NLRP14: variants seen among roughly 807,000 people sequenced by gnomAD.
NLRP14 encodes NACHT, LRR and PYD domains-containing protein 14.
A neutral mutation model predicts 94.7 loss-of-function variants in NLRP14; 105 were observed. That is an observed-to-expected ratio of 1.11 (90% CI 0.95 to 1.30). The LOEUF (loss-of-function observed/expected upper bound fraction) is 1.30. Ranked by LOEUF, NLRP14 falls within the 50% of genes most tolerant of loss-of-function variation. NLRP14 has a pLI of 0.00. For synonymous variants in NLRP14, 508 were observed against 459.9 expected (o/e 1.10, Z -1.34); for missense variants, 1,362 against 1,254.1 (o/e 1.09, Z -1.30).
At chr11:7,083,538 C>T in the NLRP14 span, among the ~76,000 whole-genome samples, 1 of 152,188 alleles carries the variant, frequency 6.6e-6, no homozygotes, top group Non-Finnish European at 1.5e-5. Flanking sequence ...CAGCATCAGT[C>T]CCACCTACCA....
chr11:7,044,670 C>A (rs988443463), intron 4 of NLRP14, among the ~76,000 whole-genome samples: 4 of 152,164 alleles, frequency 2.6e-5, no homozygotes, highest in African/African-American at 9.7e-5. Context: ...GACTACCCAT[C>A]TAAATCTGAG....
chr11:7,043,632 T>C lies in NLRP14; in HGVS notation c.1606T>C (p.Leu536=), dbSNP rs140036712. ...TQMKCFLFGL[L]NEDRVKQLER... ...GATGAAGTGCTTTTTGTTTGGCCTTTTGAATGAAGATCGAGTAAAACAACT... is the reference window on the plus strand; with the variant it reads ...GATGAAGTGCTTTTTGTTTGGCCTTCTGAATGAAGATCGAGTAAAACAACT... Residue 536 remains leucine, a synonymous_variant, in exon 4 of 12, where the codon TTG becomes CTG. Coordinates refer to ENST00000299481, the MANE Select transcript of NLRP14 (RefSeq NM_176822.4). 5 of 1,614,086 alleles carry C rather than the reference T, an allele frequency of 3.1e-6. No homozygotes were observed. The African/African-American group carries it at 6.7e-5, about 22-fold the overall frequency.
chr11:7,031,062 C>A (rs1042075600), intron 1 of NLRP14, among the ~76,000 whole-genome samples: 3 of 152,186 alleles, frequency 2.0e-5, no homozygotes, highest in African/African-American at 7.2e-5. Flanking sequence ...GCCCTCTTAG[C>A]GGGTTTGCTC....
At chr11:7,021,949 T>TA (rs1379966115) in intron 1 of NLRP14, among the ~76,000 whole-genome samples, 2 of 144,100 alleles carry the variant, frequency 1.4e-5, no homozygotes, top group Non-Finnish European at 3.1e-5. Context: ...TAACCAAAAT[T>TA]AAAAGAAAAA....
chr11:7,077,507 C>T, the NLRP14 span, among the ~76,000 whole-genome samples: 2 of 152,244 alleles, frequency 1.3e-5, no homozygotes, highest in South Asian at 4.1e-4. Context: ...AAGTCAGCCA[C>T]TCTTTTGGTT....
the NLRP14 span, among the ~76,000 whole-genome samples, chr11:7,081,513 T>A: frequency 2.9e-3 from 440 of 152,330 alleles, 3 homozygotes; most frequent in African/African-American, 9.7e-3. Flanking sequence ...CTTTTTTTTT[T>A]AATTTGTTTA....
At chr11:7,054,873 T>C (rs1258271477) in intron 6 of NLRP14, among the ~76,000 whole-genome samples, 2 of 152,178 alleles carry the variant, frequency 1.3e-5, no homozygotes, top group Non-Finnish European at 2.9e-5. Context: ...CAAGAAATCT[T>C]TGCCCAGTCC....
At chr11:7,037,872 C>T (rs939084325) in intron 1 of NLRP14, among the ~76,000 whole-genome samples, 5 of 152,146 alleles carry the variant, frequency 3.3e-5, no homozygotes, top group African/African-American at 4.8e-5. Flanking sequence ...ATGTCAAAGA[C>T]GTGAGATGAG....
chr11:7,086,963 T>A, the NLRP14 span, among the ~76,000 whole-genome samples: 1 of 152,186 alleles, frequency 6.6e-6, no homozygotes. Flanking sequence ...AAATATAATG[T>A]CTTAACATAT....
chr11:7,089,975 C>G, the NLRP14 span: 3 of 1,613,172 alleles, frequency 1.9e-6, no homozygotes, highest in Non-Finnish European at 2.5e-6. Flanking sequence ...CCTTTGAGAG[C>G]TACGGAGAGC....
At chr11:7,080,217 T>A in the NLRP14 span, among the ~76,000 whole-genome samples, 1 of 152,226 alleles carries the variant, frequency 6.6e-6, no homozygotes, top group East Asian at 1.9e-4. Flanking sequence ...TTATTGGGAC[T>A]AAGCCCTTAA....
chr11:7,036,801 GA>G (rs1302048783), intron 1 of NLRP14, among the ~76,000 whole-genome samples: 1 of 152,108 alleles, frequency 6.6e-6, no homozygotes, highest in African/African-American at 2.4e-5. Flanking sequence ...TGACTATGAA[GA>G]TGAAGGGGAT....
In NLRP14 at chr11:7,071,333, AAAATAT is replaced by A. The variant is rs745546399; in HGVS notation, c.*37_*42del. 6.3e-7 allele frequency: 1 copy of A among 1,591,804 alleles called. No individual in the cohort carries two copies. The highest frequency in any genetic ancestry group is 2.3e-5 in the East Asian group (1 of 44,206). ...ATTTGAAGAAACTGACATTCCTTTA[AAAATAT>A]AAATATAAATACATACATACATAGA... On this transcript the variant is annotated 3_prime_UTR_variant, in exon 12 of 12. Coordinates refer to ENST00000299481, the MANE Select transcript of NLRP14 (RefSeq NM_176822.4).
In NLRP14 at chr11:7,049,788, G is replaced by T. The variant is rs767049718; in HGVS notation, c.2241G>T (p.Lys747Asn). 6.2e-7 allele frequency: 1 copy of T among 1,611,954 alleles called. No individual in the cohort carries two copies. The highest frequency in any genetic ancestry group is 2.2e-5 in the East Asian group (1 of 44,824). The change falls in exon 6 of 12, where the codon AAG becomes AAT. Residue 747 changes from lysine to asparagine, a missense_variant. Coordinates refer to ENST00000299481, the MANE Select transcript of NLRP14 (RefSeq NM_176822.4). ...KGSDIGDNGVKSLCEALKHPE... is the reference protein window; with the variant it reads ...KGSDIGDNGVNSLCEALKHPE... ...GTGATATAGGGGATAATGGAGTAAA[G>T]TCATTGTGTGAGGCCTTGAAACACC...
intron 1 of NLRP14, among the ~76,000 whole-genome samples, chr11:7,025,521 T>C (rs1852001899): frequency 6.6e-6 from 1 of 152,088 alleles, no homozygotes; most frequent in Non-Finnish European, 1.5e-5. Context: ...AACCAAAAGT[T>C]ACATGTATAA....
At chr11:7,078,835 T>C in the NLRP14 span, among the ~76,000 whole-genome samples, 1 of 152,134 alleles carries the variant, frequency 6.6e-6, no homozygotes, top group Non-Finnish European at 1.5e-5. Flanking sequence ...GGTATCCAAA[T>C]TGGGAGTCTC....
the NLRP14 span, chr11:7,089,747 G>A: frequency 2.6e-6 from 4 of 1,546,708 alleles, no homozygotes; most frequent in Admixed American, 5.6e-5. Flanking sequence ...ACCTGGGCCC[G>A]CGGGATGAGG....
the NLRP14 span, among the ~76,000 whole-genome samples, chr11:7,077,841 A>G: frequency 2.0e-5 from 3 of 152,302 alleles, no homozygotes; most frequent in South Asian, 6.2e-4. Flanking sequence ...AACATGTGAG[A>G]ATTCAAGATG....
At chr11:7,025,070 A>G (rs1851996201) in intron 1 of NLRP14, among the ~76,000 whole-genome samples, 1 of 152,184 alleles carries the variant, frequency 6.6e-6, no homozygotes, top group African/African-American at 2.4e-5. Flanking sequence ...AATTTTTGAG[A>G]AGGCATGAAT....
Sources: allele counts gnomAD v4.1 joint callset (sites outside exome capture counted in the v4.1 genomes callset), GRCh38; gene constraint gnomAD v4.1.1; transcripts MANE v1.5; gene names NCBI Gene and HGNC (gene_info 2026-07-23, HGNC 2026-07-21).